Variants in NDUFAF2 observed in about 807,000 individuals in gnomAD.
The protein encoded by NDUFAF2 is NADH:ubiquinone oxidoreductase complex assembly factor 2.
NDUFAF2 carries 13 observed loss-of-function variants against 22.8 expected under a neutral mutation model. The observed-to-expected ratio is 0.57, with a 90% CI of 0.37 to 0.91. The LOEUF (loss-of-function observed/expected upper bound fraction) is 0.91. NDUFAF2 is among the 40% of genes least tolerant of loss of function. The pLI is 0.01. For missense variants in NDUFAF2, 162 were observed against 195.2 expected (o/e 0.83, Z 1.01); for synonymous variants, 53 against 64.2 (o/e 0.83, Z 0.84).
chr5:61,008,093 A>G (rs1751393527), intron 1 of NDUFAF2, among the ~76,000 whole-genome samples: 1 of 142,398 alleles, frequency 7.0e-6, no homozygotes, highest in Admixed American at 7.5e-5. Context: ...ACAGGTGGGA[A>G]TTGAACAATG....
chr5:61,003,029 G>A (rs1199385125), intron 1 of NDUFAF2, among the ~76,000 whole-genome samples: 2 of 152,066 alleles, frequency 1.3e-5, no homozygotes, highest in Non-Finnish European at 2.9e-5. Flanking sequence ...GAACATGAAT[G>A]GCTGTCCACT....
At chr5:61,151,216 A>C (rs553135124) in intron 3 of NDUFAF2, among the ~76,000 whole-genome samples, 42 of 152,186 alleles carry the variant, frequency 2.8e-4, no homozygotes, top group Non-Finnish European at 4.7e-4. Context: ...CTATACAATC[A>C]ATATTACTTG....
At chr5:61,093,565 G>C (rs764046190) in intron 2 of NDUFAF2, among the ~76,000 whole-genome samples, 1 of 152,176 alleles carries the variant, frequency 6.6e-6, no homozygotes, top group Non-Finnish European at 1.5e-5. Flanking sequence ...CACATTTATT[G>C]ATTTGCATAT....
At chr5:61,120,019 A>G (rs1051047197) in intron 3 of NDUFAF2, among the ~76,000 whole-genome samples, 10 of 152,168 alleles carry the variant, frequency 6.6e-5, no homozygotes, top group African/African-American at 2.2e-4. Flanking sequence ...TAATTTGCCT[A>G]TGCATACATT....
In NDUFAF2 at chr5:61,043,989, C is replaced by CT. The variant is rs1361610756; in HGVS notation, c.128-29132dup. The stretch of plus-strand genomic sequence containing the variant: ...CCCACCAACAGTGTGCAAGAGTTCG[C>CT]TTTTCCCCACATCCTTGCCAACACT... On this transcript the variant is annotated intron_variant, in intron 1 of 3. Coordinates refer to ENST00000296597, the MANE Select transcript of NDUFAF2 (RefSeq NM_174889.5). Among the ~76,000 whole-genome samples, 5 of 152,250 alleles carry CT rather than the reference C, an allele frequency of 3.3e-5. No individual in the cohort carries two copies. In the East Asian group the frequency reaches 9.6e-4, roughly 29 times the overall value.
intron 1 of NDUFAF2, among the ~76,000 whole-genome samples, chr5:60,963,442 C>T: frequency 6.6e-6 from 1 of 152,186 alleles, no homozygotes; most frequent in East Asian, 1.9e-4. Flanking sequence ...CATCTCTCAT[C>T]TAGAATTCAT....
chr5:61,070,727 A>AT (rs921534013), intron 1 of NDUFAF2, among the ~76,000 whole-genome samples: 1 of 151,736 alleles, frequency 6.6e-6, no homozygotes, highest in African/African-American at 2.4e-5. Context: ...ATAGAAAGTT[A>AT]TTTTTTTTGT....
intron 1 of NDUFAF2, among the ~76,000 whole-genome samples, chr5:60,989,916 A>T (rs1026463765): frequency 6.6e-6 from 1 of 152,190 alleles, no homozygotes; most frequent in Non-Finnish European, 1.5e-5. Context: ...TAAAAGAGAA[A>T]TTTTTTTAAA....
intron 1 of NDUFAF2, among the ~76,000 whole-genome samples, chr5:60,948,380 C>T (rs893665985): frequency 2.0e-5 from 3 of 151,950 alleles, no homozygotes; most frequent in African/African-American, 7.2e-5. Context: ...GCCCAGTTAA[C>T]TTTTTGTATC....
At chr5:61,009,946 T>C (rs1361010445) in intron 1 of NDUFAF2, among the ~76,000 whole-genome samples, 1 of 152,114 alleles carries the variant, frequency 6.6e-6, no homozygotes. Context: ...TGATGCCACT[T>C]CCAGCTAGAT....
intron 3 of NDUFAF2, among the ~76,000 whole-genome samples, chr5:61,107,569 A>G (rs915467722): frequency 2.6e-5 from 4 of 151,142 alleles, no homozygotes; most frequent in African/African-American, 9.8e-5. Flanking sequence ...TACTTTTGCT[A>G]TACAGAAGCT....
chr5:60,987,151 C>G (rs998137642), intron 1 of NDUFAF2, among the ~76,000 whole-genome samples: 4 of 152,130 alleles, frequency 2.6e-5, no homozygotes, highest in African/African-American at 7.2e-5. Context: ...ATGAGTACCT[C>G]TATATATACA....
intron 2 of NDUFAF2, among the ~76,000 whole-genome samples, chr5:61,090,582 A>G (rs1399607363): frequency 1.3e-5 from 2 of 152,108 alleles, no homozygotes; most frequent in Non-Finnish European, 2.9e-5. Context: ...CTGAAGATAT[A>G]TTGCTGAAAC....
chr5:61,009,135 C>A (rs904993510), intron 1 of NDUFAF2, among the ~76,000 whole-genome samples: 3 of 152,000 alleles, frequency 2.0e-5, no homozygotes, highest in African/African-American at 7.2e-5. Flanking sequence ...AGACAACATT[C>A]TGATATTTTC....
At chr5:61,003,418 T>C (rs1751324304) in intron 1 of NDUFAF2, among the ~76,000 whole-genome samples, 1 of 152,052 alleles carries the variant, frequency 6.6e-6, no homozygotes, top group Non-Finnish European at 1.5e-5. Flanking sequence ...AGGAGAACTC[T>C]TTTTATTTAT....
chr5:60,973,336 G>GT (rs1218162728), intron 1 of NDUFAF2, among the ~76,000 whole-genome samples: 3 of 152,058 alleles, frequency 2.0e-5, no homozygotes, highest in African/African-American at 7.2e-5. Flanking sequence ...TTTTTCTTGA[G>GT]TTTTTTGTTT....
At chr5:60,993,165 A>C (rs1198798493) in intron 1 of NDUFAF2, among the ~76,000 whole-genome samples, 1 of 152,252 alleles carries the variant, frequency 6.6e-6, no homozygotes, top group Non-Finnish European at 1.5e-5. Flanking sequence ...GGGCAGCTCC[A>C]GGTGCAGCAT....
intron 1 of NDUFAF2, among the ~76,000 whole-genome samples, chr5:61,012,262 C>T (rs766886366): frequency 7.1e-6 from 1 of 141,302 alleles, no homozygotes; most frequent in African/African-American, 2.6e-5. Context: ...AGACCTCTCT[C>T]TTGAGCTTTA....
In NDUFAF2 at chr5:61,099,022, C is replaced by T. The variant is rs1239763692; in HGVS notation, c.248C>T (p.Pro83Leu). Residue 83 changes from proline to leucine, a missense_variant, in exon 3 of 4, where the codon CCT (proline) becomes CTT (leucine). Transcript: ENST00000296597. Reference protein sequence around the residue: ...AWIRRTRKTPPTMEEILKNEK... With the variant: ...AWIRRTRKTPLTMEEILKNEK... ...ATTAGAAGAACAAGAAAGACTCCACCTACTATGGAGGTAAGACTACACAAG... is the reference window on the plus strand; with the variant it reads ...ATTAGAAGAACAAGAAAGACTCCACTTACTATGGAGGTAAGACTACACAAG... 1.3e-6 allele frequency: 2 copies of T among 1,599,046 alleles called. No individual in the cohort carries two copies. Among genetic ancestry groups the T allele is most frequent in the Non-Finnish European group, 1.7e-6 (2 of 1,168,792 alleles).
Sources: gnomAD v4.1 joint callset for allele counts (sites outside exome capture counted in the v4.1 genomes callset) on GRCh38, gnomAD v4.1.1 for gene constraint, MANE v1.5 for transcripts, NCBI Gene and HGNC (gene_info 2026-07-23, HGNC 2026-07-21) for gene names.